Variants in CBLB observed in about 807,000 individuals in gnomAD.
The protein encoded by CBLB is Cbl proto-oncogene B.
Under a neutral mutation model 104.9 loss-of-function variants are expected in CBLB, and 31 were observed. The ratio of observed to expected loss-of-function variants is 0.30; its 90% CI spans 0.22 to 0.40. The LOEUF (loss-of-function observed/expected upper bound fraction) is 0.40. Among genes scored for constraint, CBLB ranks in the 10% least tolerant of loss-of-function variants. CBLB has a pLI of 1.00. For synonymous variants in CBLB, 440 were observed against 422.6 expected (o/e 1.04, Z -0.51); for missense variants, 1,062 against 1,214.6 (o/e 0.87, Z 1.87).
chr3:105,864,632 T>A (rs2092319021), intron 2 of CBLB, among the ~76,000 whole-genome samples: 1 of 152,168 alleles, frequency 6.6e-6, no homozygotes, highest in Non-Finnish European at 1.5e-5. Flanking sequence ...TGCTACTGAT[T>A]TTCTGTTACA....
intron 4 of CBLB, among the ~76,000 whole-genome samples, chr3:105,772,474 T>C (rs1320666235): frequency 6.6e-6 from 1 of 152,190 alleles, no homozygotes; most frequent in East Asian, 1.9e-4. Context: ...AGAGAATTCA[T>C]GGCTAAGACC....
intron 10 of CBLB, among the ~76,000 whole-genome samples, chr3:105,709,047 C>T (rs2070674470): frequency 6.6e-6 from 1 of 151,830 alleles, no homozygotes; most frequent in Non-Finnish European, 1.5e-5. Flanking sequence ...CAATTCCTCC[C>T]ACTATCAGCT....
chr3:105,689,822 T>C (rs532464883), intron 13 of CBLB, among the ~76,000 whole-genome samples: 1 of 152,132 alleles, frequency 6.6e-6, no homozygotes, highest in African/African-American at 2.4e-5. Context: ...AAATTTTATA[T>C]TTATAGCTAA....
At chr3:105,842,568 G>A (rs1440682279) in intron 3 of CBLB, among the ~76,000 whole-genome samples, 1 of 152,172 alleles carries the variant, frequency 6.6e-6, no homozygotes. Flanking sequence ...GAGTGACCCA[G>A]TGGCTTAAAT....
chr3:105,669,117 T>C (rs571973824), intron 18 of CBLB, among the ~76,000 whole-genome samples: 4 of 139,194 alleles, frequency 2.9e-5, no homozygotes, highest in Middle Eastern at 7.5e-3. Flanking sequence ...CAACTATCCA[T>C]CAAAGAGACA....
In CBLB at chr3:105,867,510, A is replaced by G. The variant is rs753783466; in HGVS notation, c.68T>C (p.Leu23Ser). 26 of 1,614,178 alleles carry G rather than the reference A, an allele frequency of 1.6e-5. No homozygotes were observed. Among genetic ancestry groups the G allele is most frequent in the Non-Finnish European group, 2.2e-5 (26 of 1,180,006 alleles). ...ATCCTGAATAGCATCAATAATACCC[A>G]AAATTCGACCTTTTCGGGGATTTCC... is the stretch of plus-strand genomic sequence containing the variant. ...RGGNPRKGRILGIIDAIQDAV... is the reference protein window; with the variant it reads ...RGGNPRKGRISGIIDAIQDAV... Residue 23 changes from leucine to serine, a missense_variant, in exon 2 of 19, where the codon TTG becomes TCG. Physicochemically the swap from Leu to Ser is moderately radical, Grantham distance 145. Around this residue, in one of 2 missense-constraint regions of CBLB, gnomAD observed 457 missense variants for 632.0 expected, o/e 0.72. Coordinates refer to ENST00000394030, the MANE Select transcript of CBLB (RefSeq NM_170662.5).
At chr3:105,714,957 T>C (rs144498815) in intron 10 of CBLB, among the ~76,000 whole-genome samples, 1 of 152,212 alleles carries the variant, frequency 6.6e-6, no homozygotes, top group African/African-American at 2.4e-5. Flanking sequence ...GAAAATACAA[T>C]GTTTAAGACA....
chr3:105,727,271 T>C (rs946183945), intron 9 of CBLB, among the ~76,000 whole-genome samples: 9 of 152,236 alleles, frequency 5.9e-5, no homozygotes, highest in Non-Finnish European at 1.2e-4. Context: ...GGTTATCTCA[T>C]TGTGGTTTTG....
At chr3:105,747,184 G>C (rs960836752) in intron 5 of CBLB, among the ~76,000 whole-genome samples, 1 of 152,092 alleles carries the variant, frequency 6.6e-6, no homozygotes, top group Non-Finnish European at 1.5e-5. Context: ...ATTTTTTTAA[G>C]GCTGACGCTA....
chr3:105,759,595 G>T (rs2077415060), intron 4 of CBLB, among the ~76,000 whole-genome samples: 3 of 152,164 alleles, frequency 2.0e-5, no homozygotes, highest in Non-Finnish European at 4.4e-5. Flanking sequence ...GGTGGCAGGG[G>T]GCTGGCATGT....
chr3:105,864,400 C>A (rs760895107), intron 2 of CBLB, among the ~76,000 whole-genome samples: 4 of 152,198 alleles, frequency 2.6e-5, no homozygotes, highest in Non-Finnish European at 5.9e-5. Context: ...AGCTTCAGAA[C>A]AGACTCCACA....
intron 13 of CBLB, among the ~76,000 whole-genome samples, chr3:105,690,594 C>T (rs1576365230): frequency 6.6e-6 from 1 of 152,132 alleles, no homozygotes; most frequent in East Asian, 1.9e-4. Flanking sequence ...GAGTGTGAGG[C>T]GGGTGGATCA....
At chr3:105,840,117 C>T (rs993136730) in intron 3 of CBLB, among the ~76,000 whole-genome samples, 6 of 152,098 alleles carry the variant, frequency 3.9e-5, no homozygotes, top group Non-Finnish European at 8.8e-5. Flanking sequence ...CAGAACAAAA[C>T]GCGAAGGGTT....
intron 3 of CBLB, among the ~76,000 whole-genome samples, chr3:105,848,203 C>T (rs2090522675): frequency 6.6e-6 from 1 of 151,994 alleles, no homozygotes; most frequent in Non-Finnish European, 1.5e-5. Context: ...CCAGCAACAA[C>T]AACAATTTGG....
At chr3:105,827,573 G>T (rs910291880) in intron 3 of CBLB, among the ~76,000 whole-genome samples, 1 of 152,132 alleles carries the variant, frequency 6.6e-6, no homozygotes, top group Non-Finnish European at 1.5e-5. Context: ...ACTGGCCAGG[G>T]AGCACTTTAC....
chr3:105,813,344 A>G lies in CBLB; in HGVS notation c.420-36802T>C, dbSNP rs140312946. ...AATGACAGACATGGGGATAAAAGAA[A>G]ATTCATTTTACAAACAATAGTTACT... On this transcript the variant is annotated intron_variant, in intron 3 of 18. Coordinates refer to ENST00000394030, the MANE Select transcript of CBLB (RefSeq NM_170662.5). Among the ~76,000 whole-genome samples the G allele has an allele frequency of 4.7e-3, 719 of 152,298 alleles. 3 individuals carry two copies. The highest frequency in any genetic ancestry group is 7.7e-3 in the Admixed American group (117 of 15,294).
rs527743255 is a variant in CBLB, at chr3:105,867,149, A to T, written c.168+261T>A. On this transcript the variant is annotated intron_variant, in intron 2 of 18. Coordinates refer to ENST00000394030, the MANE Select transcript of CBLB (RefSeq NM_170662.5). Reference sequence around the variant, plus strand: ...CTATGGCCATACACCAACAAAAAGCAGCCAATGGTAAAACTTTACATACTG... The same window carrying T: ...CTATGGCCATACACCAACAAAAAGCTGCCAATGGTAAAACTTTACATACTG... Among the ~76,000 whole-genome samples the T allele has an allele frequency of 3.3e-5, 5 of 152,350 alleles. No homozygotes were observed. The East Asian group carries it at 9.6e-4, about 29-fold the overall frequency.
chr3:105,739,071 C>T (rs2075266657), intron 7 of CBLB, among the ~76,000 whole-genome samples: 1 of 152,068 alleles, frequency 6.6e-6, no homozygotes, highest in Non-Finnish European at 1.5e-5. Flanking sequence ...CCATGCCCAG[C>T]TAATTTTTTT....
chr3:105,847,082 T>C (rs1381223610), intron 3 of CBLB, among the ~76,000 whole-genome samples: 1 of 152,224 alleles, frequency 6.6e-6, no homozygotes, highest in Non-Finnish European at 1.5e-5. Context: ...TTGTGGCTGC[T>C]GTTGCTTTTG....
Sources: gnomAD v4.1 joint callset for allele counts (sites outside exome capture counted in the v4.1 genomes callset) on GRCh38, gnomAD v4.1.1 for gene constraint, gnomAD v4.1.1 regional missense constraint, MANE v1.5 for transcripts, NCBI Gene and HGNC (gene_info 2026-07-23, HGNC 2026-07-21) for gene names.